The following KIF11 variants were observed in gnomAD, a reference collection of about 807,000 sequenced individuals.
The protein encoded by KIF11 is kinesin family member 11.
Under a neutral mutation model 121.0 loss-of-function variants are expected in KIF11, and 9 were observed. The observed-to-expected ratio is 0.07, with a 90% CI of 0.04 to 0.13. The LOEUF is 0.13. KIF11 is among the 10% of genes least tolerant of loss of function. KIF11 has a pLI of 1.00. For synonymous variants in KIF11, 408 were observed against 421.0 expected, an observed-to-expected ratio of 0.97 and a Z score of 0.38; for missense variants, 846 against 1,217.5, an observed-to-expected ratio of 0.69 and a Z score of 4.54.
intron 14 of KIF11, 69 bp from the exon 15 acceptor site, chr10:92,637,115 T>C (rs1336107623): frequency 8.5e-7 from 1 of 1,171,336 alleles, no homozygotes; most frequent in African/African-American, 1.6e-5. Context: ...ATTTAAGATA[T>C]CATTTAGAAA....
chr10:92,616,743 C>G lies in KIF11; in HGVS notation c.1039C>G (p.Leu347Val), dbSNP rs1309342150. ...CCTTTCCTTTCCATGACAGGAAACT[C>G]TGAGTACATTGGAATATGCTCATAG... ...SPASLNLEETLSTLEYAHRAK... is the reference protein window; with the variant it reads ...SPASLNLEETVSTLEYAHRAK... The change falls in exon 9 of 22, where the codon CTG (leucine) becomes GTG (valine). Residue 347 changes from leucine to valine, a missense_variant. Physicochemically the swap from Leu to Val is conservative, Grantham distance 32. Transcript: ENST00000260731. The G allele has an allele frequency of 6.3e-7, 1 of 1,579,492 alleles. No individual in the cohort carries two copies. Among genetic ancestry groups the G allele is most frequent in the Non-Finnish European group, 8.7e-7 (1 of 1,152,732 alleles).
chr10:92,634,019 G>T (rs539829551), intron 14 of KIF11, among the ~76,000 whole-genome samples: 2 of 151,898 alleles, frequency 1.3e-5, no homozygotes, highest in Non-Finnish European at 2.9e-5. Flanking sequence ...ATGGAGTCTC[G>T]CTCTGTCGTC....
At chr10:92,609,938 T>C (rs979922761) in intron 6 of KIF11, among the ~76,000 whole-genome samples, 1 of 152,200 alleles carries the variant, frequency 6.6e-6, no homozygotes, top group East Asian at 1.9e-4. Flanking sequence ...GGTTTCACCA[T>C]GTTGGCCAGG....
Position 92,613,791 on chromosome 10 carries a change from A to G in KIF11, c.1032+172A>G, listed in dbSNP as rs1400445507. On this transcript the variant is annotated intron_variant, in intron 8 of 21. Transcript: ENST00000260731. The surrounding 1 kb of genome is among the most constrained non-coding windows in gnomAD (Gnocchi z 4.2). ...TTGAGCTTAGGAGTGCCTGGGCAAC[A>G]TGCCGAAACCCTGTCTCTACCAAAA... 1.3e-5 allele frequency among the ~76,000 whole-genome samples: 2 copies of G among 152,124 alleles called. No homozygotes were observed. Among genetic ancestry groups the G allele is most frequent in the East Asian group, 1.9e-4 (1 of 5,180 alleles).
At chr10:92,630,024 A>T in intron 11 of KIF11, 152 bp from the exon 12 acceptor site, 1 of 544,652 alleles carries the variant, frequency 1.8e-6, no homozygotes, top group Non-Finnish European at 3.2e-6. Context: ...GAGTAAGATT[A>T]CAGAAAGAAA....
At position 92,651,507 on chromosome 10, in the gene KIF11, G is replaced by GTTTTTTTTTTTTTTTTTTTT. The variant is rs1175303233; in HGVS notation, c.3039+1012_3039+1031dup. On this transcript the variant is annotated intron_variant, in intron 21 of 21. Coordinates refer to ENST00000260731, the MANE Select transcript of KIF11 (RefSeq NM_004523.4). ...TGTGCCACCATGCCTGGCTAATTTT[G>GTTTTTTTTTTTTTTTTTTTT]TTTTTTTTTTTTTTTTTTTTTTTTT... Among the ~76,000 whole-genome samples, 5 of 52,974 alleles carry GTTTTTTTTTTTTTTTTTTTT rather than the reference G, an allele frequency of 9.4e-5. 1 individual carries two copies. Among genetic ancestry groups the GTTTTTTTTTTTTTTTTTTTT allele is most frequent in the Non-Finnish European group, 1.3e-4 (3 of 23,900 alleles). The allele number at this position is 52,974 out of a possible 152,430, so 34.8% of individuals were successfully genotyped here.
intron 19 of KIF11, among the ~76,000 whole-genome samples, chr10:92,648,757 T>C (rs1484487347): frequency 1.3e-5 from 2 of 152,246 alleles, no homozygotes; most frequent in Non-Finnish European, 2.9e-5. Context: ...GAGATGTAAC[T>C]GACTAAATCT....
At chr10:92,635,901 CTCT>C (rs1844790003) in intron 14 of KIF11, among the ~76,000 whole-genome samples, 1 of 152,192 alleles carries the variant, frequency 6.6e-6, no homozygotes, top group Non-Finnish European at 1.5e-5. Context: ...GGTATGCTAG[CTCT>C]TCTTTCCAAA....
intron 1 of KIF11, 46 bp downstream of exon 1, chr10:92,593,498 T>TG: frequency 6.5e-7 from 1 of 1,546,726 alleles, no homozygotes; most frequent in Non-Finnish European, 8.8e-7. Context: ...GCTTCGCTGC[T>TG]GGGCCCCCTA....
At chr10:92,606,096 A>G (rs1274888394) in intron 1 of KIF11, among the ~76,000 whole-genome samples, 169 bp from the exon 2 acceptor site, 1 of 152,252 alleles carries the variant, frequency 6.6e-6, no homozygotes, top group African/African-American at 2.4e-5. Flanking sequence ...TGAGACACTT[A>G]TAATTTTACT....
At chr10:92,637,601 T>C in intron 16 of KIF11, 56 bp downstream of exon 16, 1 of 1,494,888 alleles carries the variant, frequency 6.7e-7, no homozygotes, top group South Asian at 1.3e-5. Flanking sequence ...GATGATTTGA[T>C]ATGACTTGAT....
chr10:92,606,988 G>C (rs1844437367), intron 3 of KIF11, among the ~76,000 whole-genome samples, 171 bp from the exon 4 acceptor site: 1 of 152,120 alleles, frequency 6.6e-6, no homozygotes, highest in South Asian at 2.1e-4. Flanking sequence ...TGTTGGCCAG[G>C]CTGGTCTCGA....
At chr10:92,602,404 G>T (rs1362052983) in intron 1 of KIF11, among the ~76,000 whole-genome samples, 1 of 152,064 alleles carries the variant, frequency 6.6e-6, no homozygotes, top group African/African-American at 2.4e-5. Context: ...GCTTTTCTTT[G>T]TCAGGAGATT....
chr10:92,622,523 G>A (rs1056255465), intron 10 of KIF11, among the ~76,000 whole-genome samples: 1 of 151,940 alleles, frequency 6.6e-6, no homozygotes, highest in Non-Finnish European at 1.5e-5. Flanking sequence ...GCTGAGGCAG[G>A]AGAATCACTT....
intron 21 of KIF11, among the ~76,000 whole-genome samples, chr10:92,650,758 A>G (rs1207699276): frequency 6.6e-6 from 1 of 152,074 alleles, no homozygotes; most frequent in Admixed American, 6.6e-5. Context: ...ATCTTTAGCT[A>G]TTGTATTTAT....
rs1001816803 is a variant in KIF11 at position 92,613,789 on chromosome 10, A to G, written c.1032+170A>G. 6.6e-6 allele frequency among the ~76,000 whole-genome samples: 1 copy of G among 152,108 alleles called. No homozygotes were observed. The highest frequency in any genetic ancestry group is 1.5e-5 in the Non-Finnish European group (1 of 68,022). On this transcript the variant is annotated intron_variant, in intron 8 of 21. Coordinates refer to ENST00000260731, the MANE Select transcript of KIF11 (RefSeq NM_004523.4). The surrounding 1 kb of genome is among the most constrained non-coding windows in gnomAD (Gnocchi z 4.2). The stretch of plus-strand genomic sequence containing the variant: ...ACTTGAGCTTAGGAGTGCCTGGGCA[A>G]CATGCCGAAACCCTGTCTCTACCAA...
At chr10:92,635,101 T>A (rs1347898103) in intron 14 of KIF11, among the ~76,000 whole-genome samples, 1 of 152,212 alleles carries the variant, frequency 6.6e-6, no homozygotes, top group Non-Finnish European at 1.5e-5. Flanking sequence ...CCATATAATT[T>A]ATTTGTTTTC....
intron 10 of KIF11, among the ~76,000 whole-genome samples, chr10:92,626,298 A>T (rs759008386): frequency 6.6e-6 from 1 of 152,226 alleles, no homozygotes. Context: ...TCGACAGAAC[A>T]TGCAATGGGG....
chr10:92,599,733 A>G (rs1041283079), intron 1 of KIF11, among the ~76,000 whole-genome samples: 1 of 145,520 alleles, frequency 6.9e-6, no homozygotes, highest in Non-Finnish European at 1.5e-5. Flanking sequence ...GCTCACTGCA[A>G]CCTCTACCTC....
Sources: gnomAD v4.1 joint callset for allele counts (sites outside exome capture counted in the v4.1 genomes callset) on GRCh38, gnomAD v4.1.1 for gene constraint, Gnocchi (gnomAD v3.1) non-coding constraint, MANE v1.5 for transcripts, NCBI Gene and HGNC (gene_info 2026-07-23, HGNC 2026-07-21) for gene names.